Variants in THSD4 observed in about 807,000 individuals in gnomAD.
THSD4 encodes thrombospondin type 1 domain containing 4, also known as thrombospondin type-1 domain-containing protein 4.
In THSD4, 69 loss-of-function variants were observed where a neutral mutation model predicts 119.0. The observed-to-expected ratio is 0.58, with a 90% CI of 0.48 to 0.71. The LOEUF is 0.71. Among genes scored for constraint, THSD4 ranks in the 30% least tolerant of loss-of-function variants. The pLI is 0.00. For missense variants in THSD4, 1,393 were observed against 1,391.1 expected, an observed-to-expected ratio of 1.00 and a Z score of -0.02; for synonymous variants, 524 against 540.4, an observed-to-expected ratio of 0.97 and a Z score of 0.42.
intron 6 of THSD4, among the ~76,000 whole-genome samples, chr15:71,382,519 T>G (rs1015791282): frequency 3.9e-5 from 6 of 152,186 alleles, no homozygotes; most frequent in Non-Finnish European, 7.4e-5. Flanking sequence ...CCAGTCATTC[T>G]TTTCTTCCTT....
chr15:71,305,331 T>C (rs1344242034), intron 6 of THSD4, among the ~76,000 whole-genome samples: 2 of 152,182 alleles, frequency 1.3e-5, no homozygotes, highest in African/African-American at 4.8e-5. Context: ...GGTAGAAAGA[T>C]GAAGATATAT....
At chr15:71,731,857 G>A (rs2052985805) in intron 10 of THSD4, 1 of 152,460 alleles carries the variant, frequency 6.6e-6, no homozygotes, top group Admixed American at 6.5e-5. Context: ...GGGTTTCATT[G>A]GGACAAAATG....
chr15:71,519,797 T>C (rs749967730), intron 7 of THSD4, among the ~76,000 whole-genome samples: 4 of 152,180 alleles, frequency 2.6e-5, no homozygotes, highest in South Asian at 4.1e-4. Context: ...AGGAGGATAG[T>C]GCTTTGGAAA....
intron 6 of THSD4, among the ~76,000 whole-genome samples, chr15:71,354,568 T>C (rs543942480): frequency 4.6e-5 from 7 of 152,354 alleles, no homozygotes; most frequent in Admixed American, 3.9e-4. Context: ...TGAATGCCCT[T>C]TATGTGCCAA....
At chr15:71,177,847 A>G (rs1399241135) in intron 3 of THSD4, among the ~76,000 whole-genome samples, 2 of 151,454 alleles carry the variant, frequency 1.3e-5, no homozygotes, top group Admixed American at 6.6e-5. Context: ...ACGCAAATCA[A>G]TAAACATAAT....
In THSD4 at chr15:71,406,049, A is replaced by C. The variant is rs76652353; in HGVS notation, c.1016-5638A>C. Among the ~76,000 whole-genome samples the C allele has an allele frequency of 1.3e-3, 200 of 151,936 alleles. 1 individual carries two copies. Among genetic ancestry groups the C allele is most frequent in the African/African-American group, 4.7e-3 (194 of 41,456 alleles). On this transcript the variant is annotated intron_variant, in intron 6 of 17. Coordinates refer to ENST00000261862, the MANE Select transcript of THSD4 (RefSeq NM_024817.3). ...TGATCCTCCTGCCTTGGACTCCCAA[A>C]GTTACAGGTTACACGCATGAGCACC... is the stretch of plus-strand genomic sequence containing the variant.
intron 8 of THSD4, among the ~76,000 whole-genome samples, chr15:71,711,742 C>T (rs1426419039): frequency 6.6e-6 from 1 of 151,990 alleles, no homozygotes; most frequent in Admixed American, 6.5e-5. Context: ...TAATCAAAAG[C>T]AGGAGTGGCT....
At chr15:71,285,366 T>G (rs1001068049) in intron 6 of THSD4, among the ~76,000 whole-genome samples, 5 of 152,210 alleles carry the variant, frequency 3.3e-5, no homozygotes, top group Non-Finnish European at 7.3e-5. Context: ...TATTATTGAT[T>G]TTTGGCTTGG....
At chr15:71,667,814 CAA>C (rs768304813) in intron 8 of THSD4, among the ~76,000 whole-genome samples, 10 of 152,156 alleles carry the variant, frequency 6.6e-5, no homozygotes, top group Non-Finnish European at 1.0e-4. Flanking sequence ...CCTCTTCATA[CAA>C]ACTCCACACT....
chr15:71,668,358 G>A (rs2051456915), intron 8 of THSD4, among the ~76,000 whole-genome samples: 2 of 152,158 alleles, frequency 1.3e-5, no homozygotes, highest in Non-Finnish European at 2.9e-5. Context: ...CACTAGCAGA[G>A]CAGAGGAAAT....
At chr15:71,679,742 G>A (rs1044784447) in intron 8 of THSD4, among the ~76,000 whole-genome samples, 9 of 152,214 alleles carry the variant, frequency 5.9e-5, no homozygotes, top group South Asian at 2.1e-4. Flanking sequence ...AAGATGCTCG[G>A]CTGGAGAAGA....
At position 71,199,417 on chromosome 15, in the gene THSD4, G is replaced by A. The variant is rs543900028; in HGVS notation, c.100-15618G>A. Among the ~76,000 whole-genome samples, 14 of 150,732 alleles carry A rather than the reference G, an allele frequency of 9.3e-5. No homozygotes were observed. The South Asian group carries it at 2.7e-3, about 30-fold the overall frequency. ...AGTAGGTTTTCTCACCCTAGACACTGTTGACATTTTGGGCCAGATAACTGT... is the reference window on the plus strand; with the variant it reads ...AGTAGGTTTTCTCACCCTAGACACTATTGACATTTTGGGCCAGATAACTGT... On this transcript the variant is annotated intron_variant, in intron 3 of 17. Transcript: ENST00000261862.
intron 7 of THSD4, among the ~76,000 whole-genome samples, chr15:71,558,480 T>G (rs1380753632): frequency 2.0e-5 from 3 of 152,190 alleles, no homozygotes; most frequent in African/African-American, 7.2e-5. Flanking sequence ...TAGTCAGTTT[T>G]AAGGTTTTTT....
intron 6 of THSD4, among the ~76,000 whole-genome samples, chr15:71,401,722 T>C (rs2046535563): frequency 6.6e-6 from 1 of 152,180 alleles, no homozygotes; most frequent in Non-Finnish European, 1.5e-5. Context: ...GAACTAGAAA[T>C]ACCATTTGAC....
chr15:71,233,898 C>G (rs1314535903), intron 4 of THSD4, among the ~76,000 whole-genome samples: 1 of 152,204 alleles, frequency 6.6e-6, no homozygotes, highest in African/African-American at 2.4e-5. Context: ...ACTCTCTCCT[C>G]TCTCTCCTCC....
intron 3 of THSD4, among the ~76,000 whole-genome samples, chr15:71,212,342 G>T (rs1294609818): frequency 6.6e-6 from 1 of 152,180 alleles, no homozygotes; most frequent in Non-Finnish European, 1.5e-5. Flanking sequence ...ATTATGAATA[G>T]AATAGGACGG....
rs533992422 is a variant in THSD4, at chr15:71,328,144, C to T, written c.1015+71429C>T. Among the ~76,000 whole-genome samples, 22 of 152,310 alleles carry T rather than the reference C, an allele frequency of 1.4e-4. No homozygotes were observed. In the East Asian group the frequency reaches 3.1e-3, roughly 21 times the overall value. ...ATGGTGACCCTCTGGGTCATGGTCC[C>T]GACTGGGACACCGTATTTTCGTGCT... On this transcript the variant is annotated intron_variant, in intron 6 of 17. Coordinates refer to ENST00000261862, the MANE Select transcript of THSD4 (RefSeq NM_024817.3).
intron 6 of THSD4, among the ~76,000 whole-genome samples, chr15:71,375,148 A>G (rs374493774): frequency 6.6e-6 from 1 of 152,236 alleles, no homozygotes; most frequent in Non-Finnish European, 1.5e-5. Flanking sequence ...CATGTCTGCC[A>G]GGGACCGAGC....
chr15:71,119,356 C>A (rs2040389769), intron 1 of THSD4, among the ~76,000 whole-genome samples: 1 of 152,160 alleles, frequency 6.6e-6, no homozygotes, highest in South Asian at 2.1e-4. Context: ...TTACCTCAGG[C>A]GATTCTTCCG....
Sources: gnomAD v4.1 joint callset for allele counts (sites outside exome capture counted in the v4.1 genomes callset) on GRCh38, gnomAD v4.1.1 for gene constraint, MANE v1.5 for transcripts, NCBI Gene and HGNC (gene_info 2026-07-23, HGNC 2026-07-21) for gene names.